Variants in CSMD3 observed in about 807,000 individuals in gnomAD.
The protein encoded by CSMD3 is CUB and Sushi multiple domains 3, also known as CUB and sushi domain-containing protein 3.
A neutral mutation model predicts 435.2 loss-of-function variants in CSMD3; 177 were observed. The ratio of observed to expected loss-of-function variants is 0.41; its 90% confidence interval spans 0.36 to 0.46. CSMD3 has a LOEUF of 0.46. Among genes scored for constraint, CSMD3 ranks in the 20% least tolerant of loss-of-function variants. The pLI is 0.34. For missense variants in CSMD3, 4,265 were observed against 4,504.6 expected (o/e 0.95, Z 1.52); for synonymous variants, 1,656 against 1,520.5 (o/e 1.09, Z -2.07).
At chr8:113,330,980 A>T (rs919530651) in intron 1 of CSMD3, among the ~76,000 whole-genome samples, 1 of 151,846 alleles carries the variant, frequency 6.6e-6, no homozygotes, top group Non-Finnish European at 1.5e-5. Context: ...ATATAAATGA[A>T]ATAGAAAATA....
At chr8:112,323,781 G>A (rs1823235134) in intron 45 of CSMD3, among the ~76,000 whole-genome samples, 1 of 152,042 alleles carries the variant, frequency 6.6e-6, no homozygotes, top group African/African-American at 2.4e-5. Context: ...AGTGATAGAA[G>A]AGAATCAAGG....
At chr8:113,376,864 A>G (rs948087529) in intron 1 of CSMD3, 18 of 1,611,002 alleles carry the variant, frequency 1.1e-5, no homozygotes, top group Non-Finnish European at 1.4e-5. Flanking sequence ...CCTTTCCCGG[A>G]TGATCTGGAA....
At chr8:112,782,976 A>C (rs764950598) in intron 13 of CSMD3, among the ~76,000 whole-genome samples, 1 of 152,082 alleles carries the variant, frequency 6.6e-6, no homozygotes, top group African/African-American at 2.4e-5. Context: ...AAAAAATGTT[A>C]ATAAGTGATA....
At chr8:113,253,752 T>A (rs1412266297) in intron 3 of CSMD3, among the ~76,000 whole-genome samples, 1 of 151,292 alleles carries the variant, frequency 6.6e-6, no homozygotes, top group African/African-American at 2.4e-5. Flanking sequence ...GGCAGGAGAA[T>A]CACTTGAACT....
intron 52 of CSMD3, among the ~76,000 whole-genome samples, chr8:112,304,371 G>A (rs1307774643): frequency 6.9e-6 from 1 of 145,230 alleles, no homozygotes. Context: ...TACATCTGGG[G>A]CAAAGGTTTT....
At chr8:112,919,842 T>C (rs542626961) in intron 10 of CSMD3, among the ~76,000 whole-genome samples, 43 of 151,964 alleles carry the variant, frequency 2.8e-4, no homozygotes, top group African/African-American at 1.0e-3. Context: ...TAAGAAAATA[T>C]GAGATACTGT....
At chr8:113,004,868 T>C (rs911376440) in intron 6 of CSMD3, among the ~76,000 whole-genome samples, 1 of 151,902 alleles carries the variant, frequency 6.6e-6, no homozygotes, top group Non-Finnish European at 1.5e-5. Flanking sequence ...AAAATTATAA[T>C]GCACTTCTAA....
rs541181792 is a variant in CSMD3, at chr8:113,387,895, A to G, written c.178+48782T>C. Among the ~76,000 whole-genome samples the G allele has an allele frequency of 2.9e-3, 444 of 151,730 alleles. 5 individuals are homozygous for G. Among genetic ancestry groups the G allele is most frequent in the African/African-American group, 0.01 (427 of 41,504 alleles). ...TGTTATCCCCACATCTCATCTAAAT[A>G]CTCTTAATTTGACACCTAATACTGT... is the stretch of plus-strand genomic sequence containing the variant. On this transcript the variant is annotated intron_variant, in intron 1 of 70. Coordinates refer to ENST00000297405, the MANE Select transcript of CSMD3 (RefSeq NM_198123.2).
At chr8:113,275,904 A>T (rs940695062) in intron 3 of CSMD3, among the ~76,000 whole-genome samples, 4 of 152,012 alleles carry the variant, frequency 2.6e-5, no homozygotes, top group African/African-American at 9.7e-5. Context: ...AGGTTAGTAG[A>T]TCTATTTTAC....
intron 10 of CSMD3, among the ~76,000 whole-genome samples, chr8:112,890,460 T>C (rs1459499073): frequency 6.6e-6 from 1 of 151,718 alleles, no homozygotes; most frequent in Non-Finnish European, 1.5e-5. Context: ...AAAATTCTTT[T>C]TCATTAAATG....
intron 42 of CSMD3, among the ~76,000 whole-genome samples, chr8:112,339,554 G>A (rs1042107331): frequency 8.6e-5 from 13 of 152,026 alleles, no homozygotes; most frequent in Non-Finnish European, 1.2e-4. Context: ...TTTGCTGGGC[G>A]TTTTGTCCAA....
chr8:112,638,407 T>G (rs2074724608), intron 21 of CSMD3, among the ~76,000 whole-genome samples: 1 of 150,994 alleles, frequency 6.6e-6, no homozygotes, highest in South Asian at 2.1e-4. Flanking sequence ...AGTTTTGACC[T>G]TTGTTAGAAT....
chr8:112,863,392 A>G (rs1044962946), intron 10 of CSMD3, among the ~76,000 whole-genome samples: 1 of 151,802 alleles, frequency 6.6e-6, no homozygotes, highest in Non-Finnish European at 1.5e-5. Flanking sequence ...AGTAAATTCT[A>G]TATTATTCGT....
intron 6 of CSMD3, among the ~76,000 whole-genome samples, chr8:113,006,989 C>A (rs1250160380): frequency 6.6e-6 from 1 of 151,870 alleles, no homozygotes; most frequent in Non-Finnish European, 1.5e-5. Context: ...ATATCTTCTC[C>A]ACCCTACCTC....
intron 67 of CSMD3, among the ~76,000 whole-genome samples, chr8:112,235,040 C>T (rs1003731977): frequency 3.9e-5 from 6 of 152,082 alleles, no homozygotes; most frequent in Admixed American, 6.5e-5. Context: ...GATCATTTCA[C>T]ACTAGAATGA....
intron 27 of CSMD3, among the ~76,000 whole-genome samples, chr8:112,521,192 C>A (rs1563651994): frequency 6.6e-6 from 1 of 151,808 alleles, no homozygotes; most frequent in Non-Finnish European, 1.5e-5. Context: ...TTATAATATC[C>A]CCATCCTCTT....
chr8:112,726,159 T>G (rs571009006), intron 13 of CSMD3, among the ~76,000 whole-genome samples: 12 of 152,034 alleles, frequency 7.9e-5, no homozygotes, highest in South Asian at 2.1e-4. Flanking sequence ...GGGAAACCAA[T>G]CCTATGATTC....
intron 3 of CSMD3, among the ~76,000 whole-genome samples, chr8:113,251,378 C>G (rs895691166): frequency 1.3e-5 from 2 of 151,956 alleles, no homozygotes; most frequent in African/African-American, 2.4e-5. Context: ...ATACTGATCG[C>G]ACAACTAAAA....
chr8:113,179,973 G>A (rs1186110685), intron 3 of CSMD3, among the ~76,000 whole-genome samples: 2 of 151,744 alleles, frequency 1.3e-5, no homozygotes, highest in Non-Finnish European at 2.9e-5. Context: ...AAATGGGAAT[G>A]AAAAATTTAA....
Sources: gnomAD v4.1 joint callset for allele counts (sites outside exome capture counted in the v4.1 genomes callset) on GRCh38, gnomAD v4.1.1 for gene constraint, MANE v1.5 for transcripts, NCBI Gene and HGNC (gene_info 2026-07-23, HGNC 2026-07-21) for gene names.